WDR97: variants seen among roughly 807,000 people sequenced by gnomAD.
The protein encoded by WDR97 is WD repeat-containing protein 97.
A neutral mutation model predicts 65.4 loss-of-function variants in WDR97; 111 were observed. That is an observed-to-expected ratio of 1.70 (90% confidence interval 1.45 to 1.99). The LOEUF is 1.99. WDR97 is among the 30% of genes most tolerant of loss of function. WDR97 has a pLI of 0.00. For missense variants in WDR97, 1,674 were observed against 865.0 expected (o/e 1.94, Z -11.73); for synonymous variants, 802 against 397.7 (o/e 2.02, Z -12.10).
rs1367590308 is a variant in WDR97, at chr8:144,116,082, C to G, written c.4667-9C>G. On this transcript the variant is annotated splice_polypyrimidine_tract_variant and intron_variant, in intron 23 of 23. Coordinates refer to ENST00000323662, the MANE Select transcript of WDR97 (RefSeq NM_001316309.2). ...CCCCCGGGCCTCATAAGCCTCCGCC[C>G]GCCCCCAGGCCCCATGCGGTCCCGG... 1 of 692,980 alleles carries G rather than the reference C, an allele frequency of 1.4e-6. No homozygotes were observed. Among genetic ancestry groups the G allele is most frequent in the Non-Finnish European group, 2.6e-6 (1 of 379,868 alleles). 42.9% of individuals were successfully genotyped at this position (692,980 alleles called of 1,614,324 possible).
At chr8:144,108,266 C>T in intron 2 of WDR97, 50 bp from the exon 3 acceptor site, 2 of 693,328 alleles carry the variant, frequency 2.9e-6, no homozygotes, top group Non-Finnish European at 5.2e-6. Flanking sequence ...GTCCCCTAGG[C>T]CGGAGTAGCC....
Position 144,114,565 on chromosome 8 carries a change from G to A in WDR97, c.3804G>A (p.Gln1268=), listed in dbSNP as rs767434225. The change falls in exon 20 of 24, where the codon CAG becomes CAA. Residue 1268 remains glutamine (Q), a synonymous_variant. Transcript: ENST00000323662. ...ACCGCCTGCCTCAGGACCAGACACAGAAGAAGTTCGTGATACTGGCGCTGC... is the reference window on the plus strand; with the variant it reads ...ACCGCCTGCCTCAGGACCAGACACAAAAGAAGTTCGTGATACTGGCGCTGC... The part of the protein sequence containing the change: ...DQPPSLQDQT[Q]KKFVILALQL... 1 of 702,638 alleles carries A rather than the reference G, an allele frequency of 1.4e-6. No homozygotes were observed. The highest frequency in any genetic ancestry group is 2.0e-5 in the Admixed American group (1 of 49,986). The allele number at this position is 702,638 out of a possible 1,614,324, so 43.5% of individuals were successfully genotyped here. A position where few individuals can be genotyped will look rare whatever the true frequency, so the allele number is the denominator to read the frequency against.
Position 144,110,749 on chromosome 8 carries a change from G to C in WDR97, c.2171+10G>C. 1.4e-6 allele frequency: 1 copy of C among 702,760 alleles called. No homozygotes were observed. Among genetic ancestry groups the C allele is most frequent in the Non-Finnish European group, 2.6e-6 (1 of 384,894 alleles). 43.5% of individuals were successfully genotyped at this position (702,760 alleles called of 1,614,324 possible). On this transcript the variant is annotated intron_variant, in intron 8 of 23. Coordinates refer to ENST00000323662, the MANE Select transcript of WDR97 (RefSeq NM_001316309.2). ...AGAACCGCCTCCTGCGGTAGGCTAGGAGGTGGGGAGGGCTGGGGTCTCCTA... is the reference window on the plus strand; with the variant it reads ...AGAACCGCCTCCTGCGGTAGGCTAGCAGGTGGGGAGGGCTGGGGTCTCCTA...
Position 144,109,381 on chromosome 8 carries a change from G to C in WDR97, c.1047G>C (p.Leu349Phe). Residue 349 changes from leucine to phenylalanine, a missense_variant, in exon 5 of 24, where the codon TTG (leucine) becomes TTC (phenylalanine). Leu to Phe is a conservative substitution (Grantham distance 22). Coordinates refer to ENST00000323662, the MANE Select transcript of WDR97 (RefSeq NM_001316309.2). Reference protein sequence around the residue: ...MTVLPNTTLVLSASQDGTLRT... With the variant: ...MTVLPNTTLVFSASQDGTLRT... ...TGCTCCCGAACACGACCCTGGTGTTGTCGGCCTCGCAGGACGGGACGCTAC... is the reference window on the plus strand; with the variant it reads ...TGCTCCCGAACACGACCCTGGTGTTCTCGGCCTCGCAGGACGGGACGCTAC... The C allele has an allele frequency of 1.4e-6, 1 of 702,640 alleles. No individual in the cohort carries two copies. Among genetic ancestry groups the C allele is most frequent in the Admixed American group, 2.0e-5 (1 of 49,998 alleles). The allele number at this position is 702,640 out of a possible 1,614,324, so 43.5% of individuals were successfully genotyped here. A position where few individuals can be genotyped will look rare whatever the true frequency, so the allele number is the denominator to read the frequency against.
At chr8:144,111,837 A>G (rs1367756063) in intron 12 of WDR97, 50 bp from the exon 13 acceptor site, 8 of 525,178 alleles carry the variant, frequency 1.5e-5, no homozygotes, top group Non-Finnish European at 2.1e-5. Context: ...TTCTCCACCC[A>G]CCCCTCCCAC....
rs1243507010 is a variant in WDR97, at chr8:144,115,830, ATGG to A, written c.4573_4575del (p.Val1525del). On this transcript the variant is annotated inframe_deletion, in exon 22 of 24. Transcript: ENST00000323662. ...CTACACGGTGGCGCCGGTGCCCGAC[ATGG>A]TGGTGCCACCTCCGCGGGAGCACTG... The A allele has an allele frequency of 2.8e-5, 19 of 688,430 alleles. No homozygotes were observed. In the Middle Eastern group the frequency reaches 2.2e-3, roughly 80 times the overall value. The allele number at this position is 688,430 out of a possible 1,614,324, so 42.6% of individuals were successfully genotyped here.
chr8:144,112,424 T>C, intron 14 of WDR97, 23 bp from the exon 15 acceptor site: 1 of 702,630 alleles, frequency 1.4e-6, no homozygotes, highest in East Asian at 2.7e-5. Flanking sequence ...TGTGTTGTTC[T>C]GAGCCCCCAT....
rs13281660 is a variant in WDR97, at chr8:144,109,714, G to T, written c.1380G>T (p.Ala460=). The T allele has an allele frequency of 0.91, 616,036 of 676,396 alleles. 281,994 individuals are homozygous for T. Among genetic ancestry groups the T allele is most frequent in the East Asian group, 1 (34,650 of 34,786 alleles). 41.9% of individuals were successfully genotyped at this position (676,396 alleles called of 1,614,324 possible). ...CADGSVYLLS[A]ATGRIVSSLL... is the part of the protein sequence containing the mutation. ...ACGGCTCGGTCTACCTCCTGTCGGC[G>T]GCCACCGGGCGCATAGTGAGCTCAC... The change falls in exon 5 of 24, where the codon GCG becomes GCT. Residue 460 remains alanine (A), a synonymous_variant. Coordinates refer to ENST00000323662, the MANE Select transcript of WDR97 (RefSeq NM_001316309.2).
At chr8:144,110,291 C>G (rs1007003298) in intron 6 of WDR97, 35 bp downstream of exon 6, 1 of 702,086 alleles carries the variant, frequency 1.4e-6, no homozygotes, top group African/African-American at 1.7e-5. Flanking sequence ...CAGGCCGCCA[C>G]AGAGCCCCCT....
chr8:144,114,145 C>T lies in WDR97; in HGVS notation c.3577C>T (p.Pro1193Ser). The change falls in exon 18 of 24, where the codon CCC becomes TCC. Residue 1193 changes from proline to serine, a missense_variant. Coordinates refer to ENST00000323662, the MANE Select transcript of WDR97 (RefSeq NM_001316309.2). ...CCAGACCTGGTTCAAAAAGTTGTTCCCCATCTTCAGCCTGCAGGTTGGAGG... is the reference window on the plus strand; with the variant it reads ...CCAGACCTGGTTCAAAAAGTTGTTCTCCATCTTCAGCCTGCAGGTTGGAGG... ...IYQTWFKKLFPIFSLQAYPEA... is the reference protein window; with the variant it reads ...IYQTWFKKLFSIFSLQAYPEA... 3 of 702,730 alleles carry T rather than the reference C, an allele frequency of 4.3e-6. No individual in the cohort carries two copies. The highest frequency in any genetic ancestry group is 1.5e-5 in the South Asian group (1 of 67,592). 43.5% of individuals were successfully genotyped at this position (702,730 alleles called of 1,614,324 possible).
At chr8:144,114,253 A>G (rs1836606076) in intron 18 of WDR97, 25 bp from the exon 19 acceptor site, 1 of 695,682 alleles carries the variant, frequency 1.4e-6, no homozygotes, top group Admixed American at 2.0e-5. Context: ...ACATGGGAGC[A>G]GGGCCTCAGC....
At position 144,111,986 on chromosome 8, in the gene WDR97, T is replaced by C; in HGVS notation, c.2737T>C (p.Cys913Arg). The change falls in exon 13 of 24, where the codon TGT becomes CGT. Residue 913 changes from cysteine to arginine, a missense_variant. Coordinates refer to ENST00000323662, the MANE Select transcript of WDR97 (RefSeq NM_001316309.2). ...GTGTGCTGTACCCCAAGCTGCCCAC[T>C]GTCTTGCCCGGGCTGAGGTCAGCAC... ...DVCAVPQAAH[C>R]LARAEVSTAA... The C allele has an allele frequency of 1.4e-6, 1 of 702,546 alleles. No homozygotes were observed. The highest frequency in any genetic ancestry group is 2.6e-6 in the Non-Finnish European group (1 of 384,948). 43.5% of individuals were successfully genotyped at this position (702,546 alleles called of 1,614,324 possible). A position where few individuals can be genotyped will look rare whatever the true frequency, so the allele number is the denominator to read the frequency against.
Position 144,110,531 on chromosome 8 carries a change from G to GC in WDR97, c.2035dup (p.Arg679ProfsTer41). On this transcript the variant is annotated frameshift_variant, in exon 7 of 24. Coordinates refer to ENST00000323662, the MANE Select transcript of WDR97 (RefSeq NM_001316309.2). LOFTEE classifies it high-confidence loss of function. ...TGCAGTTTGGCCTGGGCGACAGTCC[G>GC]CGATTAGACCACCGGCCCCAGGACG... The GC allele has an allele frequency of 1.4e-6, 1 of 702,846 alleles. No homozygotes were observed. Among genetic ancestry groups the GC allele is most frequent in the Non-Finnish European group, 2.6e-6 (1 of 384,942 alleles). The allele number at this position is 702,846 out of a possible 1,614,324, so 43.5% of individuals were successfully genotyped here.
In WDR97 at chr8:144,114,294, G is replaced by A; in HGVS notation, c.3611G>A (p.Gly1204Asp). ...IFSLQAYPEAGTIEGLASLLV... is the reference protein window; with the variant it reads ...IFSLQAYPEADTIEGLASLLV... ...ACCCTGCAGGCATACCCGGAGGCGG[G>A]CACGATCGAGGGCCTGGCCTCGCTG... is the stretch of plus-strand genomic sequence containing the variant. The change falls in exon 19 of 24, where the codon GGC becomes GAC. Residue 1204 changes from glycine to aspartate, a missense_variant. Coordinates refer to ENST00000323662, the MANE Select transcript of WDR97 (RefSeq NM_001316309.2). The A allele has an allele frequency of 1.4e-6, 1 of 701,650 alleles. No homozygotes were observed. The highest frequency in any genetic ancestry group is 1.7e-5 in the African/African-American group (1 of 57,346). The allele number at this position is 701,650 out of a possible 1,614,324, so 43.5% of individuals were successfully genotyped here.
rs756021357 is a variant in WDR97 at position 144,111,755 on chromosome 8, C to T, written c.2611C>T (p.Arg871Cys). 57 of 689,424 alleles carry T rather than the reference C, an allele frequency of 8.3e-5. No individual in the cohort carries two copies. The East Asian group carries it at 1.1e-3, about 13-fold the overall frequency. 42.7% of individuals were successfully genotyped at this position (689,424 alleles called of 1,614,324 possible). ...CCAGGAAGGCTTTGACAATTACCTC[C>T]GTCTGATCTACGGCTCTGGCCTGCT... ...QRQEGFDNYL[R>C]LIYGSGLLGM... The change falls in exon 12 of 24, where the codon CGT (arginine) becomes TGT (cysteine). Residue 871 changes from arginine (R) to cysteine (C), a missense_variant. Transcript: ENST00000323662.
At position 144,111,921 on chromosome 8, in the gene WDR97, G is replaced by A. The variant is rs1186833297; in HGVS notation, c.2672G>A (p.Ser891Asn). ...MQSGRGSQQW[S>N]AGTLRVERET... ...TCTGGAAGGGGGTCCCAGCAGTGGAGTGCCGGGACCCTCAGAGTGGAGAGA... is the reference window on the plus strand; with the variant it reads ...TCTGGAAGGGGGTCCCAGCAGTGGAATGCCGGGACCCTCAGAGTGGAGAGA... The change falls in exon 13 of 24, where the codon AGT (serine) becomes AAT (asparagine). Residue 891 changes from serine to asparagine, a missense_variant. Ser to Asn is a conservative substitution (Grantham distance 46, BLOSUM62 1). Coordinates refer to ENST00000323662, the MANE Select transcript of WDR97 (RefSeq NM_001316309.2). 2.8e-6 allele frequency: 2 copies of A among 702,474 alleles called. No homozygotes were observed. The highest frequency in any genetic ancestry group is 5.2e-6 in the Non-Finnish European group (2 of 384,878). 43.5% of individuals were successfully genotyped at this position (702,474 alleles called of 1,614,324 possible). A position where few individuals can be genotyped will look rare whatever the true frequency, so the allele number is the denominator to read the frequency against.
At position 144,114,568 on chromosome 8, in the gene WDR97, G is replaced by A. The variant is rs752916622; in HGVS notation, c.3807G>A (p.Lys1269=). 1 of 702,908 alleles carries A rather than the reference G, an allele frequency of 1.4e-6. No homozygotes were observed. The allele number at this position is 702,908 out of a possible 1,614,324, so 43.5% of individuals were successfully genotyped here. ...GCCTGCCTCAGGACCAGACACAGAA[G>A]AAGTTCGTGATACTGGCGCTGCAGC... The part of the protein sequence containing the change: ...QPPSLQDQTQ[K]KFVILALQLL... The change falls in exon 20 of 24, where the codon AAG becomes AAA. Residue 1269 remains lysine, a synonymous_variant. Coordinates refer to ENST00000323662, the MANE Select transcript of WDR97 (RefSeq NM_001316309.2).
At position 144,114,285 on chromosome 8, in the gene WDR97, C is replaced by G. The variant is rs543467041; in HGVS notation, c.3602C>G (p.Pro1201Arg). 2.6e-5 allele frequency: 18 copies of G among 700,960 alleles called. 1 individual carries two copies. The South Asian group carries it at 2.7e-4, about 10-fold the overall frequency. 43.4% of individuals were successfully genotyped at this position (700,960 alleles called of 1,614,324 possible). ...CAGCATGCTACCCTGCAGGCATACC[C>G]GGAGGCGGGCACGATCGAGGGCCTG... ...LFPIFSLQAY[P>R]EAGTIEGLAS... The change falls in exon 19 of 24, where the codon CCG becomes CGG. Residue 1201 changes from proline to arginine, a missense_variant. Transcript: ENST00000323662.
In WDR97 at chr8:144,114,116, T is replaced by G. The variant is rs1310898356; in HGVS notation, c.3548T>G (p.Ile1183Ser). 1 of 702,862 alleles carries G rather than the reference T, an allele frequency of 1.4e-6. No homozygotes were observed. Among genetic ancestry groups the G allele is most frequent in the Admixed American group, 2.0e-5 (1 of 50,016 alleles). The allele number at this position is 702,862 out of a possible 1,614,324, so 43.5% of individuals were successfully genotyped here. ...CTGCCCAAGTTTCTGCATTTCTTCA[T>G]CTACCAGACCTGGTTCAAAAAGTTG... Reference protein sequence around the residue: ...GHLPKFLHFFIYQTWFKKLFP... With the variant: ...GHLPKFLHFFSYQTWFKKLFP... Residue 1183 changes from isoleucine to serine, a missense_variant, in exon 18 of 24, where the codon ATC (isoleucine) becomes AGC (serine). Transcript: ENST00000323662.
Sources: gnomAD v4.1 joint callset for allele counts on GRCh38, gnomAD v4.1.1 for gene constraint, MANE v1.5 for transcripts, NCBI Gene and HGNC (gene_info 2026-07-23, HGNC 2026-07-21) for gene names.